The following PCDHA11 variants were observed in gnomAD, a reference collection of about 807,000 sequenced individuals.
PCDHA11 encodes protocadherin alpha 11, also known as protocadherin alpha-11.
A neutral mutation model predicts 70.3 loss-of-function variants in PCDHA11; 61 were observed. The observed-to-expected ratio is 0.87, with a 90% CI of 0.71 to 1.07. PCDHA11 has a LOEUF of 1.07. Among genes scored for constraint, PCDHA11 ranks in the 50% least tolerant of loss-of-function variants. The pLI is 0.00. For missense variants in PCDHA11, 1,324 were observed against 1,237.5 expected (o/e 1.07, Z -1.05); for synonymous variants, 633 against 555.1 (o/e 1.14, Z -1.97).
At chr5:140,987,149 G>C (rs1380803903) in intron 3 of PCDHA11, among the ~76,000 whole-genome samples, 2 of 151,884 alleles carry the variant, frequency 1.3e-5, no homozygotes, top group African/African-American at 4.8e-5. Flanking sequence ...GGGAGGTGGA[G>C]GTTGCAGTGA....
chr5:140,871,533 G>T, intron 1 of PCDHA11, 39 bp downstream of exon 1: 1 of 1,516,446 alleles, frequency 6.6e-7, no homozygotes, highest in Non-Finnish European at 8.8e-7. Flanking sequence ...GGAAGTGTAT[G>T]TGAAATTATT....
chr5:140,966,543 A>G lies in PCDHA11; in HGVS notation c.2392-12406A>G, dbSNP rs200134570. 641 of 461,190 alleles carry G rather than the reference A, an allele frequency of 1.4e-3. 4 individuals carry two copies. The highest frequency in any genetic ancestry group is 0.011 in the African/African-American group (555 of 49,108). The allele number at this position is 461,190 out of a possible 1,614,324, so 28.6% of individuals were successfully genotyped here. ...AGCCGAGCCGGGTTGAGCGACTCGGAGGCGAGCGGAGGAGCTGGAATATGG... is the reference window on the plus strand; with the variant it reads ...AGCCGAGCCGGGTTGAGCGACTCGGGGGCGAGCGGAGGAGCTGGAATATGG... On this transcript the variant is annotated intron_variant, in intron 1 of 3. Coordinates refer to ENST00000398640, the MANE Select transcript of PCDHA11 (RefSeq NM_018902.5).
chr5:140,969,822 G>A (rs559271640), intron 1 of PCDHA11, among the ~76,000 whole-genome samples: 68 of 152,320 alleles, frequency 4.5e-4, no homozygotes, highest in Non-Finnish European at 8.4e-4. Flanking sequence ...ACTCTGGACT[G>A]TCTACAGTGG....
chr5:140,940,485 ACAAGT>A (rs1554213400), intron 1 of PCDHA11, among the ~76,000 whole-genome samples: 1 of 151,718 alleles, frequency 6.6e-6, no homozygotes, highest in African/African-American at 2.4e-5. Flanking sequence ...TTTTTTCAAG[ACAAGT>A]CTTGCTCCGT....
Position 140,880,816 on chromosome 5 carries a change from G to A in PCDHA11, c.2391+9322G>A, listed in dbSNP as rs3806840. On this transcript the variant is annotated intron_variant, in intron 1 of 3. Transcript: ENST00000398640. ...ATAAATAGGTGAATGACTCTAGAGTGTCTGGAAGGGCATATTTTAAATGGT... is the reference window on the plus strand; with the variant it reads ...ATAAATAGGTGAATGACTCTAGAGTATCTGGAAGGGCATATTTTAAATGGT... Among the ~76,000 whole-genome samples the A allele has an allele frequency of 9.8e-5, 15 of 152,318 alleles. No individual in the cohort carries two copies. In the East Asian group the frequency reaches 2.9e-3, roughly 29 times the overall value.
chr5:140,909,171 T>C (rs2074353484), intron 1 of PCDHA11, among the ~76,000 whole-genome samples: 1 of 152,208 alleles, frequency 6.6e-6, no homozygotes, highest in Non-Finnish European at 1.5e-5. Flanking sequence ...ATCAATCAAG[T>C]TCTCTCCAAA....
chr5:140,871,665 C>G, intron 1 of PCDHA11, 171 bp downstream of exon 1: 1 of 1,187,684 alleles, frequency 8.4e-7, no homozygotes, highest in African/African-American at 1.5e-5. Flanking sequence ...CATCTTCAGT[C>G]TTTTAATCAT....
chr5:140,966,792 C>A (rs1182470326), intron 1 of PCDHA11: 3 of 1,530,564 alleles, frequency 2.0e-6, no homozygotes, highest in Admixed American at 1.9e-5. Context: ...ACCAGACCTG[C>A]GGCGACAGAG....
chr5:140,957,883 A>C (rs1413437105), intron 1 of PCDHA11, among the ~76,000 whole-genome samples: 1 of 152,098 alleles, frequency 6.6e-6, no homozygotes. Flanking sequence ...TGAAAAGCTG[A>C]AGTTGGCATC....
At chr5:140,966,655 G>C in intron 1 of PCDHA11, 1 of 1,195,250 alleles carries the variant, frequency 8.4e-7, no homozygotes, top group South Asian at 2.0e-5. Context: ...CGTGAGCGGT[G>C]GGGGAGCAGG....
At chr5:141,007,878 C>G (rs1316002060) in intron 3 of PCDHA11, among the ~76,000 whole-genome samples, 5 of 152,212 alleles carry the variant, frequency 3.3e-5, no homozygotes, top group African/African-American at 7.2e-5. Flanking sequence ...TTGTCTTACA[C>G]TTCTTTAAAA....
At chr5:140,929,209 G>T in intron 1 of PCDHA11, 1 of 1,614,054 alleles carries the variant, frequency 6.2e-7, no homozygotes, top group Non-Finnish European at 8.5e-7. Context: ...GCTGTTGCGT[G>T]GGGAGTACAA....
intron 1 of PCDHA11, among the ~76,000 whole-genome samples, chr5:140,907,290 G>T (rs1554192922): frequency 1.3e-5 from 2 of 152,200 alleles, no homozygotes; most frequent in East Asian, 3.8e-4. Context: ...CAATCCAGCT[G>T]CTTCAGGATG....
chr5:140,884,176 T>C, intron 1 of PCDHA11: 1 of 1,613,372 alleles, frequency 6.2e-7, no homozygotes, highest in South Asian at 1.1e-5. Flanking sequence ...CGACGCGCCC[T>C]CTGGACGAGG....
intron 1 of PCDHA11, among the ~76,000 whole-genome samples, chr5:140,954,835 A>G (rs1256515583): frequency 1.3e-5 from 2 of 152,146 alleles, no homozygotes; most frequent in Admixed American, 6.5e-5. Flanking sequence ...TTTTGTCATG[A>G]AATCTTTGCC....
In PCDHA11 at chr5:140,920,607, A is replaced by G. The variant is rs185483487; in HGVS notation, c.2391+49113A>G. Among the ~76,000 whole-genome samples the G allele has an allele frequency of 8.0e-3, 1,215 of 152,266 alleles. 5 individuals are homozygous for G. Among genetic ancestry groups the G allele is most frequent in the African/African-American group, 0.019 (784 of 41,544 alleles). On this transcript the variant is annotated intron_variant, in intron 1 of 3. Coordinates refer to ENST00000398640, the MANE Select transcript of PCDHA11 (RefSeq NM_018902.5). ...ACGCCTGTAATCCCAGCACTTTGGG[A>G]GGCCGAGGCGGATGGATCACAAGGT...
chr5:140,996,803 G>A (rs2097746425), intron 3 of PCDHA11, among the ~76,000 whole-genome samples: 1 of 152,224 alleles, frequency 6.6e-6, no homozygotes, highest in African/African-American at 2.4e-5. Flanking sequence ...ATCCAATCAT[G>A]CTTTCCAAAA....
At chr5:140,915,266 C>T (rs1554196835) in intron 1 of PCDHA11, among the ~76,000 whole-genome samples, 1 of 151,940 alleles carries the variant, frequency 6.6e-6, no homozygotes, top group Non-Finnish European at 1.5e-5. Context: ...TTATTTTTGA[C>T]CAGTTCATCA....
At chr5:140,987,269 G>A (rs1442679377) in intron 3 of PCDHA11, among the ~76,000 whole-genome samples, 8 of 151,806 alleles carry the variant, frequency 5.3e-5, no homozygotes, top group African/African-American at 9.7e-5. Flanking sequence ...AATGGGACCC[G>A]GCAGTCTATG....
Sources: gnomAD v4.1 joint callset for allele counts (sites outside exome capture counted in the v4.1 genomes callset) on GRCh38, gnomAD v4.1.1 for gene constraint, MANE v1.5 for transcripts, NCBI Gene and HGNC (gene_info 2026-07-23, HGNC 2026-07-21) for gene names.